The following NBEAL1 variants were observed in gnomAD, a reference collection of about 807,000 sequenced individuals.
The protein encoded by NBEAL1 is neurobeachin like 1, also known as neurobeachin-like protein 1.
Under a neutral mutation model 351.3 loss-of-function variants are expected in NBEAL1, and 273 were observed. The ratio of observed to expected loss-of-function variants is 0.78; its 90% CI spans 0.70 to 0.86. NBEAL1 has a LOEUF of 0.86. Ranked by LOEUF, NBEAL1 falls within the 40% of genes least tolerant of loss-of-function variation. The pLI is 0.00. For missense variants in NBEAL1, 2,961 were observed against 3,201.3 expected, an observed-to-expected ratio of 0.92 and a Z score of 1.81; for synonymous variants, 1,050 against 1,086.4, an observed-to-expected ratio of 0.97 and a Z score of 0.66.
In NBEAL1 at chr2:203,158,726, T is replaced by G. The variant is rs931483100; in HGVS notation, c.5714+901T>G. On this transcript the variant is annotated intron_variant, in intron 36 of 55. Coordinates refer to ENST00000683969, the MANE Select transcript of NBEAL1 (RefSeq NM_001378026.1). ...GTATCATACTTGTGCACTTTATTTCTTTGTGTGTACATTCATTTATCATCT... is the reference window on the plus strand; with the variant it reads ...GTATCATACTTGTGCACTTTATTTCGTTGTGTGTACATTCATTTATCATCT... Among the ~76,000 whole-genome samples, 102 of 152,132 alleles carry G rather than the reference T, an allele frequency of 6.7e-4. 2 individuals are homozygous for G. Among genetic ancestry groups the G allele is most frequent in the Non-Finnish European group, 1.8e-4 (12 of 68,022 alleles).
chr2:203,031,191 C>T (rs889779260), intron 2 of NBEAL1, among the ~76,000 whole-genome samples: 20 of 152,272 alleles, frequency 1.3e-4, no homozygotes, highest in African/African-American at 4.1e-4. Context: ...CTCTTGTCTT[C>T]GTTTGCATTG....
chr2:203,190,260 C>G (rs781039372), intron 45 of NBEAL1, 32 bp from the exon 46 acceptor site: 1 of 1,503,948 alleles, frequency 6.6e-7, no homozygotes, highest in South Asian at 1.2e-5. Context: ...TTTGTTTTCA[C>G]TCTATAGTAA....
intron 44 of NBEAL1, among the ~76,000 whole-genome samples, chr2:203,185,225 C>G (rs2105754031): frequency 6.6e-6 from 1 of 152,260 alleles, no homozygotes; most frequent in South Asian, 2.1e-4. Flanking sequence ...ATAAGAGCTC[C>G]TCCTTGATGG....
chr2:203,040,829 T>C, intron 2 of NBEAL1: 1 of 477,592 alleles, frequency 2.1e-6, no homozygotes, highest in Non-Finnish European at 4.0e-6. Context: ...ATAGTGGGCT[T>C]CCTCAAGGAG....
Position 203,144,832 on chromosome 2 carries a change from G to A in NBEAL1, c.5081G>A (p.Gly1694Asp). 3 of 1,612,202 alleles carry A rather than the reference G, an allele frequency of 1.9e-6. No individual in the cohort carries two copies. The highest frequency in any genetic ancestry group is 2.5e-6 in the Non-Finnish European group (3 of 1,179,458). ...LHLPSLPFTN[G>D]SSSFFEDFQE... ...CTACCTTCTTTACCTTTTACCAATG[G>A]TAGCTCCTCATTTTTTGAAGATTTT... The change falls in exon 32 of 56, where the codon GGT becomes GAT. Residue 1694 changes from glycine to aspartate, a missense_variant. Coordinates refer to ENST00000683969, the MANE Select transcript of NBEAL1 (RefSeq NM_001378026.1).
At chr2:203,154,968 A>AGG in intron 35 of NBEAL1, among the ~76,000 whole-genome samples, 1 of 139,400 alleles carries the variant, frequency 7.2e-6, no homozygotes, top group East Asian at 2.2e-4. Context: ...TGGTTTGGCT[A>AGG]GGTGTGGTGG....
chr2:203,036,315 G>T lies in NBEAL1; in HGVS notation c.52-5450G>T, dbSNP rs373116817. 8.2e-4 allele frequency among the ~76,000 whole-genome samples: 122 copies of T among 148,740 alleles called. 6 individuals are homozygous for T. The highest frequency in any genetic ancestry group is 2.8e-3 in the African/African-American group (115 of 41,036). ...GAATGTATAAAATGTGGCTTTTTTT[G>T]TGTGTTAAATACTTTATGACCTTGA... On this transcript the variant is annotated intron_variant, in intron 2 of 55. Coordinates refer to ENST00000683969, the MANE Select transcript of NBEAL1 (RefSeq NM_001378026.1).
Position 203,201,611 on chromosome 2 carries a change from C to A in NBEAL1, c.7307C>A (p.Ser2436Ter). 6.2e-7 allele frequency: 1 copy of A among 1,612,414 alleles called. No individual in the cohort carries two copies. The highest frequency in any genetic ancestry group is 8.5e-7 in the Non-Finnish European group (1 of 1,179,104). ...ATCACTTCTAAGCTATTTGTAGTAT[C>A]ACATGATGCAAAGTTGCTCTTCAGT... ...LEITSKLFVVSHDAKLLFSAG... is the reference protein window; with the variant it reads ...LEITSKLFVV The change falls in exon 50 of 56, where the codon TCA (serine) becomes TAA (stop). Residue 2436 changes from serine to a stop codon, truncating the protein, a stop_gained. Transcript: ENST00000683969. LOFTEE classifies it high-confidence loss of function.
chr2:203,098,049 A>G (rs991070488), intron 11 of NBEAL1, among the ~76,000 whole-genome samples: 51 of 152,306 alleles, frequency 3.3e-4, no homozygotes, highest in Non-Finnish European at 6.0e-4. Flanking sequence ...TGATGATTAT[A>G]ATTCAATGGA....
Position 203,217,462 on chromosome 2 carries a change from A to G in NBEAL1, c.*108A>G. The G allele has an allele frequency of 7.5e-7, 1 of 1,334,866 alleles. No homozygotes were observed. Among genetic ancestry groups the G allele is most frequent in the Non-Finnish European group, 9.6e-7 (1 of 1,038,184 alleles). The allele number at this position is 1,334,866 out of a possible 1,614,324, so 82.7% of individuals were successfully genotyped here. A position where few individuals can be genotyped will look rare whatever the true frequency, so the allele number is the denominator to read the frequency against. On this transcript the variant is annotated 3_prime_UTR_variant, in exon 56 of 56. Coordinates refer to ENST00000683969, the MANE Select transcript of NBEAL1 (RefSeq NM_001378026.1). ...ATGTTGCAAGGCTTTTATCCCTGAA[A>G]ATCATTTACAGATAACCACAATTTG... is the stretch of plus-strand genomic sequence containing the variant.
chr2:203,058,976 C>G (rs1263815332), intron 6 of NBEAL1, among the ~76,000 whole-genome samples: 2 of 152,184 alleles, frequency 1.3e-5, no homozygotes, highest in Non-Finnish European at 2.9e-5. Flanking sequence ...TTTTTTAAAT[C>G]TCCTAAATCT....
At chr2:203,207,121 A>C (rs1437219370) in intron 51 of NBEAL1, among the ~76,000 whole-genome samples, 1 of 144,320 alleles carries the variant, frequency 6.9e-6, no homozygotes. Context: ...CCGTCTGAGA[A>C]GTGAGGAGAC....
At chr2:203,125,191 C>T (rs1322737721) in intron 19 of NBEAL1, among the ~76,000 whole-genome samples, 161 bp from the exon 20 acceptor site, 1 of 152,118 alleles carries the variant, frequency 6.6e-6, no homozygotes. Context: ...TTGAGGCTGC[C>T]CTGTAAAGCA....
chr2:203,024,012 G>A (rs2060811765), intron 2 of NBEAL1, among the ~76,000 whole-genome samples: 1 of 151,968 alleles, frequency 6.6e-6, no homozygotes, highest in South Asian at 2.1e-4. Flanking sequence ...AGAGGAGCCA[G>A]GAGTGACTGG....
chr2:203,031,297 T>G (rs2060945276), intron 2 of NBEAL1, among the ~76,000 whole-genome samples: 3 of 152,240 alleles, frequency 2.0e-5, no homozygotes, highest in Admixed American at 6.5e-5. Context: ...ACTAAGCTTT[T>G]CGTCAGAAAA....
intron 3 of NBEAL1, among the ~76,000 whole-genome samples, chr2:203,043,224 C>A (rs2061171211): frequency 6.6e-6 from 1 of 152,020 alleles, no homozygotes; most frequent in South Asian, 2.1e-4. Flanking sequence ...TGAAAAAATT[C>A]AAATTTATGG....
At chr2:203,114,655 T>C (rs188771753) in intron 17 of NBEAL1, among the ~76,000 whole-genome samples, 1 of 152,354 alleles carries the variant, frequency 6.6e-6, no homozygotes, top group East Asian at 1.9e-4. Context: ...TTTGTCTAAA[T>C]ATCTTTTTTA....
chr2:203,042,694 TCTC>T (rs1383008238), intron 3 of NBEAL1, among the ~76,000 whole-genome samples: 1 of 152,022 alleles, frequency 6.6e-6, no homozygotes, highest in Admixed American at 6.6e-5. Context: ...TTCAAGCAAT[TCTC>T]CTGCCTCAGC....
intron 43 of NBEAL1, among the ~76,000 whole-genome samples, 188 bp downstream of exon 43, chr2:203,180,700 G>A (rs939158813): frequency 8.5e-5 from 13 of 152,060 alleles, no homozygotes; most frequent in Non-Finnish European, 1.3e-4. Flanking sequence ...AGGGAACTAA[G>A]CCAAAGGAGT....
Sources: gnomAD v4.1 joint callset for allele counts (sites outside exome capture counted in the v4.1 genomes callset) on GRCh38, gnomAD v4.1.1 for gene constraint, MANE v1.5 for transcripts, NCBI Gene and HGNC (gene_info 2026-07-23, HGNC 2026-07-21) for gene names.